Variants in TBX6 observed in about 807,000 individuals in gnomAD.
The protein encoded by TBX6 is T-box transcription factor TBX6.
A neutral mutation model predicts 42.3 loss-of-function variants in TBX6; 29 were observed. The observed-to-expected ratio is 0.69, with a 90% CI of 0.51 to 0.93. The LOEUF (loss-of-function observed/expected upper bound fraction) is 0.93. Ranked by LOEUF, TBX6 falls within the 40% of genes least tolerant of loss-of-function variation. The pLI, the probability that TBX6 is intolerant of heterozygous loss-of-function variation, is 0.00. For synonymous variants in TBX6, 249 were observed against 245.1 expected (o/e 1.02, Z -0.15); for missense variants, 569 against 603.3 (o/e 0.94, Z 0.59).
In TBX6 at chr16:30,086,138, G is replaced by C; in HGVS notation, c.*87C>G. ...CCCAAGGCGGCCATTTGGTGTGGGG[G>C]ATGGGGCCGGTGGAGGTGAGGGGGC... On this transcript the variant is annotated 3_prime_UTR_variant, in exon 9 of 9. Coordinates refer to ENST00000395224, the MANE Select transcript of TBX6 (RefSeq NM_004608.4). The surrounding 1 kb of genome is among the most constrained non-coding windows in gnomAD (Gnocchi z 4.6). 1 of 1,450,480 alleles carries C rather than the reference G, an allele frequency of 6.9e-7. No homozygotes were observed. Among genetic ancestry groups the C allele is most frequent in the Non-Finnish European group, 9.4e-7 (1 of 1,062,236 alleles). 89.9% of individuals were successfully genotyped at this position (1,450,480 alleles called of 1,614,324 possible).
chr16:30,087,924 GTTTTC>G (rs2072663795), intron 6 of TBX6: 2 of 100,486 alleles, frequency 2.0e-5, no homozygotes, highest in Admixed American at 1.0e-4. Context: ...TTGAGACAGA[GTTTTC>G]TTTTCTTTCT....
At position 30,089,031 on chromosome 16, in the gene TBX6, G is replaced by A. The variant is rs12925839; in HGVS notation, c.533C>T (p.Ser178Phe). The A allele has an allele frequency of 6.2e-7, 1 of 1,614,036 alleles. No individual in the cohort carries two copies. Among genetic ancestry groups the A allele is most frequent in the Non-Finnish European group, 8.5e-7 (1 of 1,180,006 alleles). The part of the protein sequence containing the change: ...LPDRVYIHPD[S>F]PATGAHWMRQ... ...CATCCAATGTGCACCAGTGGCAGGAGAGTCGGGGTGAATGTAGACACGGTC... is the reference window on the plus strand; with the variant it reads ...CATCCAATGTGCACCAGTGGCAGGAAAGTCGGGGTGAATGTAGACACGGTC... The change falls in exon 4 of 9, where the codon TCT (serine) becomes TTT (phenylalanine). Residue 178 changes from serine (S) to phenylalanine (F), a missense_variant. Around this residue, in one of 3 missense-constraint regions of TBX6, gnomAD observed 190 missense variants for 250.6 expected, o/e 0.76. Coordinates refer to ENST00000395224, the MANE Select transcript of TBX6 (RefSeq NM_004608.4).
chr16:30,087,897 T>C (rs897327907), intron 6 of TBX6: 1 of 137,562 alleles, frequency 7.3e-6, no homozygotes, highest in Non-Finnish European at 1.5e-5. Flanking sequence ...TTCTTTTTTT[T>C]CTTTTTTTTT....
Position 30,088,784 on chromosome 16 carries a change from G to A in TBX6, c.677C>T (p.Ala226Val). Reference sequence around the variant, plus strand: ...CCCCCAGTGCTGGCTGCAGAGCTGGGCTGCCCGAACTAGGTGTATGCGGGG... The same window carrying A: ...CCCCCAGTGCTGGCTGCAGAGCTGGACTGCCCGAACTAGGTGTATGCGGGG... ...YQPRIHLVRA[A>V]QLCSQHWGGM... The change falls in exon 5 of 9, where the codon GCC (alanine) becomes GTC (valine). Residue 226 changes from alanine to valine, a missense_variant. Physicochemically the swap from Ala to Val is moderately conservative, Grantham distance 64 (BLOSUM62 0). Around this residue, in one of 3 missense-constraint regions of TBX6, gnomAD observed 190 missense variants for 250.6 expected, o/e 0.76. Transcript: ENST00000395224. This position sits in a 1 kb window ranked among gnomAD's most constrained non-coding sequence, Gnocchi z 4.1. 1.9e-6 allele frequency: 3 copies of A among 1,614,084 alleles called. No individual in the cohort carries two copies. Among genetic ancestry groups the A allele is most frequent in the Non-Finnish European group, 2.5e-6 (3 of 1,179,954 alleles).
Position 30,086,591 on chromosome 16 carries a change from G to C in TBX6, c.1018C>G (p.Leu340Val), listed in dbSNP as rs761253380. ...GCCTCAGCACTGGGGCCACCACACA[G>C]AGGTGCCGGGGCAGCGGTGGCTTCC... ...PGEATAAPAP[L>V]CGGPSAEAYL... Residue 340 changes from leucine (L) to valine (V), a missense_variant, in exon 8 of 9, where the codon CTG (leucine) becomes GTG (valine). Physicochemically the swap from Leu to Val is conservative, Grantham distance 32. Transcript: ENST00000395224. This position sits in a 1 kb window ranked among gnomAD's most constrained non-coding sequence, Gnocchi z 4.6. 66 of 1,571,168 alleles carry C rather than the reference G, an allele frequency of 4.2e-5. No individual in the cohort carries two copies. The highest frequency in any genetic ancestry group is 5.8e-5 in the South Asian group (5 of 86,254).
rs1474125963 is a variant in TBX6, at chr16:30,086,873, G to A, written c.840-22C>T. On this transcript the variant is annotated intron_variant, in intron 6 of 8. Coordinates refer to ENST00000395224, the MANE Select transcript of TBX6 (RefSeq NM_004608.4). This position sits in a 1 kb window ranked among gnomAD's most constrained non-coding sequence, Gnocchi z 4.6. Reference sequence around the variant, plus strand: ...CTCCCTGGGGAACAGTGGTGGTGATGATGATGATGATGGTGATGGCCATGG... The same window carrying A: ...CTCCCTGGGGAACAGTGGTGGTGATAATGATGATGATGGTGATGGCCATGG... 1.3e-6 allele frequency: 2 copies of A among 1,578,726 alleles called. No homozygotes were observed. Among genetic ancestry groups the A allele is most frequent in the Non-Finnish European group, 8.6e-7 (1 of 1,158,270 alleles).
In TBX6 at chr16:30,088,615, T is replaced by A. The variant is rs1193271988; in HGVS notation, c.769A>T (p.Ile257Phe). 6.2e-7 allele frequency: 1 copy of A among 1,614,176 alleles called. No homozygotes were observed. The highest frequency in any genetic ancestry group is 1.3e-5 in the African/African-American group (1 of 75,040). The change falls in exon 6 of 9, where the codon ATC becomes TTC. Residue 257 changes from isoleucine to phenylalanine, a missense_variant and splice_region_variant. Transcript: ENST00000395224. The surrounding 1 kb of genome is among the most constrained non-coding windows in gnomAD (Gnocchi z 4.1). The stretch of plus-strand genomic sequence containing the variant: ...TTGGCTGCAATCTTCAGTTGTGTGA[T>A]CTGGGGACACACATGCAGGGTCAAA... The part of the protein sequence containing the change: ...ISVTAYQNPQ[I>F]TQLKIAANPF...
At chr16:30,089,381 T>A (rs535844310) in intron 3 of TBX6, among the ~76,000 whole-genome samples, 171 bp from the exon 4 acceptor site, 1 of 152,248 alleles carries the variant, frequency 6.6e-6, no homozygotes, top group African/African-American at 2.4e-5. Context: ...ACACCTCTAA[T>A]CCCTATACTT....
chr16:30,086,826 T>C lies in TBX6; in HGVS notation c.865A>G (p.Lys289Glu). Residue 289 changes from lysine to glutamate, a missense_variant, in exon 7 of 9, where the codon AAA becomes GAA. Around this residue, in one of 3 missense-constraint regions of TBX6, gnomAD observed 245 missense variants for 227.4 expected, o/e 1.08. Coordinates refer to ENST00000395224, the MANE Select transcript of TBX6 (RefSeq NM_004608.4). The surrounding 1 kb of genome is among the most constrained non-coding windows in gnomAD (Gnocchi z 4.6). ...KRERDARVKRKLRGPEPAATE... is the reference protein window; with the variant it reads ...KRERDARVKRELRGPEPAATE... ...GCTGCTGGCTCTGGGCCCCGCAGTT[T>C]CCTCTTCACACGGGCGTCTCGCTCC... 6.2e-7 allele frequency: 1 copy of C among 1,613,624 alleles called. No homozygotes were observed. Among genetic ancestry groups the C allele is most frequent in the Admixed American group, 1.7e-5 (1 of 59,986 alleles).
rs1303612628 is a variant in TBX6 at position 30,086,356 on chromosome 16, CT to C, written c.1179del (p.Gly395AlafsTer103). On this transcript the variant is annotated frameshift_variant, in exon 9 of 9. Transcript: ENST00000395224. LOFTEE classifies it high-confidence loss of function. The surrounding 1 kb of genome is among the most constrained non-coding windows in gnomAD (Gnocchi z 4.6). ...SAAFLELPHG[S>X]GGSGYPAAPP... ...GGAGCCGCTGGGTACCCGGAGCCCC[CT>C]GACCCGTGCGGCAGCTCCAGAAATG... 6 of 1,587,966 alleles carry C rather than the reference CT, an allele frequency of 3.8e-6. No individual in the cohort carries two copies. The highest frequency in any genetic ancestry group is 1.1e-5 in the South Asian group (1 of 87,692).
chr16:30,088,810 T>C lies in TBX6; in HGVS notation c.651A>G (p.Gln217=). 6.2e-7 allele frequency: 1 copy of C among 1,613,752 alleles called. No homozygotes were observed. Among genetic ancestry groups the C allele is most frequent in the African/African-American group, 1.3e-5 (1 of 74,910 alleles). ...CTGCCCGAACTAGGTGTATGCGGGG[T>C]TGGTACTTGTGCATGGAGTGCAGGA... ...HLILHSMHKY[Q]PRIHLVRAAQ... The change falls in exon 5 of 9, where the codon CAA becomes CAG. Residue 217 remains glutamine, a synonymous_variant. Transcript: ENST00000395224. This position sits in a 1 kb window ranked among gnomAD's most constrained non-coding sequence, Gnocchi z 4.1.
At position 30,086,633 on chromosome 16, in the gene TBX6, G is replaced by C. The variant is rs1567340072; in HGVS notation, c.976C>G (p.Gln326Glu). The C allele has an allele frequency of 6.2e-7, 1 of 1,606,696 alleles. No individual in the cohort carries two copies. The highest frequency in any genetic ancestry group is 1.1e-5 in the South Asian group (1 of 90,470). The change falls in exon 8 of 9, where the codon CAG (glutamine) becomes GAG (glutamate). Residue 326 changes from glutamine (Q) to glutamate (E), a missense_variant. Transcript: ENST00000395224. This position sits in a 1 kb window ranked among gnomAD's most constrained non-coding sequence, Gnocchi z 4.6. Reference sequence around the variant, plus strand: ...GTGGCTTCCCCGGGGGCTGGGGCCTGTTCTGGATCTGATTCACGAATGTCT... The same window carrying C: ...GTGGCTTCCCCGGGGGCTGGGGCCTCTTCTGGATCTGATTCACGAATGTCT... ...GGDIRESDPE[Q>E]APAPGEATAA...
Position 30,089,219 on chromosome 16 carries a change from G to A in TBX6, c.354-9C>T. ...AGGCAGGGAACATGCGCCTGTGCAA[G>A]GGAGGGGACAGGAGAGGCCTGGAGC... On this transcript the variant is annotated splice_polypyrimidine_tract_variant and intron_variant, in intron 3 of 8. Transcript: ENST00000395224. 6.2e-7 allele frequency: 1 copy of A among 1,610,868 alleles called. No individual in the cohort carries two copies. The highest frequency in any genetic ancestry group is 8.5e-7 in the Non-Finnish European group (1 of 1,177,894).
chr16:30,091,077 G>T lies in TBX6; in HGVS notation c.117C>A (p.Pro39=). 6.3e-7 allele frequency: 1 copy of T among 1,584,420 alleles called. No homozygotes were observed. Among genetic ancestry groups the T allele is most frequent in the South Asian group, 1.1e-5 (1 of 87,514 alleles). ...PPALAEGYRY[P]ELDTPKLDCF... is the part of the protein sequence containing the mutation. ...CCAGGAGCTGGTCCCAACGCTCACC[G>T]GGGTAGCGGTAGCCCTCCGCTAGGG... Residue 39 remains proline, a splice_region_variant and synonymous_variant, in exon 2 of 9, where the codon CCC becomes CCA. Coordinates refer to ENST00000395224, the MANE Select transcript of TBX6 (RefSeq NM_004608.4).
intron 3 of TBX6, among the ~76,000 whole-genome samples, chr16:30,090,374 TC>T (rs1436212636): frequency 6.6e-6 from 1 of 152,124 alleles, no homozygotes; most frequent in Admixed American, 6.5e-5. Context: ...TGCATACTGA[TC>T]CCGAATCCTG....
At chr16:30,087,479 C>T (rs1390746441) in intron 6 of TBX6, among the ~76,000 whole-genome samples, 1 of 152,102 alleles carries the variant, frequency 6.6e-6, no homozygotes, top group Non-Finnish European at 1.5e-5. Context: ...ACATCCGTCA[C>T]AGTTCTGCTT....
At position 30,085,813 on chromosome 16, in the gene TBX6, T is replaced by C. The variant is rs2072615886; in HGVS notation, c.*412A>G. On this transcript the variant is annotated 3_prime_UTR_variant, in exon 9 of 9. Transcript: ENST00000395224. Reference sequence around the variant, plus strand: ...CAATGTTTCCTGAGCATGGATGGCTTTTGAGTTTTATTAACAAAAATACTC... The same window carrying C: ...CAATGTTTCCTGAGCATGGATGGCTCTTGAGTTTTATTAACAAAAATACTC... The C allele has an allele frequency of 4.8e-6, 1 of 206,956 alleles. No homozygotes were observed. The highest frequency in any genetic ancestry group is 9.7e-6 in the Non-Finnish European group (1 of 103,262). The allele number at this position is 206,956 out of a possible 1,614,324, so 12.8% of individuals were successfully genotyped here.
rs1210254324 is a variant in TBX6, at chr16:30,089,220, G to A, written c.354-10C>T. ...GGCAGGGAACATGCGCCTGTGCAAG[G>A]GAGGGGACAGGAGAGGCCTGGAGCT... is the stretch of plus-strand genomic sequence containing the variant. On this transcript the variant is annotated splice_polypyrimidine_tract_variant and intron_variant, in intron 3 of 8. Coordinates refer to ENST00000395224, the MANE Select transcript of TBX6 (RefSeq NM_004608.4). 2 of 1,607,750 alleles carry A rather than the reference G, an allele frequency of 1.2e-6. No individual in the cohort carries two copies. The highest frequency in any genetic ancestry group is 2.2e-5 in the South Asian group (2 of 90,746).
chr16:30,085,912 C>T lies in TBX6; in HGVS notation c.*313G>A. ...GGGTGGGGATTGAGCCCCTCCAGAG[C>T]CCATGGGGAGGCCTGGTAAGTGGGG... is the stretch of plus-strand genomic sequence containing the variant. On this transcript the variant is annotated 3_prime_UTR_variant, in exon 9 of 9. Transcript: ENST00000395224. 1 of 392,336 alleles carries T rather than the reference C, an allele frequency of 2.5e-6. No individual in the cohort carries two copies. The highest frequency in any genetic ancestry group is 4.6e-6 in the Non-Finnish European group (1 of 217,214). The allele number at this position is 392,336 out of a possible 1,614,324, so 24.3% of individuals were successfully genotyped here. A position where few individuals can be genotyped will look rare whatever the true frequency, so the allele number is the denominator to read the frequency against.
Sources: gnomAD v4.1 joint callset for allele counts (sites outside exome capture counted in the v4.1 genomes callset) on GRCh38, gnomAD v4.1.1 for gene constraint, gnomAD v4.1.1 regional missense constraint, Gnocchi (gnomAD v3.1) non-coding constraint, MANE v1.5 for transcripts, NCBI Gene and HGNC (gene_info 2026-07-23, HGNC 2026-07-21) for gene names.